Variants in ACP2 observed in about 807,000 individuals in gnomAD.
ACP2 encodes the protein lysosomal acid phosphatase.
ACP2 carries 35 observed loss-of-function variants against 54.7 expected under a neutral mutation model. The observed-to-expected ratio is 0.64, with a 90% CI of 0.49 to 0.85. The LOEUF (loss-of-function observed/expected upper bound fraction) is 0.85, where lower values mean the gene tolerates loss of function less well. Among genes scored for constraint, ACP2 ranks in the 40% least tolerant of loss-of-function variants. The pLI is 0.00. For missense variants in ACP2, 492 were observed against 565.0 expected, an observed-to-expected ratio of 0.87 and a Z score of 1.31; for synonymous variants, 210 against 224.4, an observed-to-expected ratio of 0.94 and a Z score of 0.57.
In ACP2 at chr11:47,242,917, C is replaced by T; in HGVS notation, c.963-19G>A. On this transcript the variant is annotated intron_variant, in intron 9 of 10. Transcript: ENST00000672073. Reference sequence around the variant, plus strand: ...GAAATTCCTGAGGGTCGACAGGAGGCAACATGGGAGCTGCTCAGCCTGCCC... The same window carrying T: ...GAAATTCCTGAGGGTCGACAGGAGGTAACATGGGAGCTGCTCAGCCTGCCC... The T allele has an allele frequency of 6.2e-7, 1 of 1,608,922 alleles. No individual in the cohort carries two copies. The highest frequency in any genetic ancestry group is 2.2e-5 in the East Asian group (1 of 44,732).
At position 47,243,114 on chromosome 11, in the gene ACP2, G is replaced by A. The variant is rs2135528255; in HGVS notation, c.866C>T (p.Thr289Ile). 1 of 1,614,230 alleles carries A rather than the reference G, an allele frequency of 6.2e-7. No homozygotes were observed. The highest frequency in any genetic ancestry group is 8.5e-7 in the Non-Finnish European group (1 of 1,180,034). The change falls in exon 9 of 11, where the codon ACC becomes ATC. Residue 289 changes from threonine to isoleucine, a missense_variant. Physicochemically the swap from Thr to Ile is moderately conservative, Grantham distance 89 (BLOSUM62 -1). Transcript: ENST00000672073. ...KLLVYSAHDT[T>I]LVALQMALDV... The stretch of plus-strand genomic sequence containing the variant: ...CAGTGCCATTTGCAGGGCAACCAGG[G>A]TAGTGTCGTGCTGCGGGGGAGAGGG...
At chr11:47,242,638 G>C in intron 10 of ACP2, 85 bp downstream of exon 10, 1 of 1,506,060 alleles carries the variant, frequency 6.6e-7, no homozygotes, top group Admixed American at 1.9e-5. Context: ...CAAATGGCTG[G>C]AAGTGCGACA....
Position 47,247,599 on chromosome 11 carries a change from A to G in ACP2, c.297+42T>C. 15 of 1,609,888 alleles carry G rather than the reference A, an allele frequency of 9.3e-6. 1 individual carries two copies. In the Middle Eastern group the frequency reaches 2.0e-3, roughly 213 times the overall value. ...CTCCCTGAGGGCAAAAGATGAGGGC[A>G]GCATACCTTGTTCCCCTTGCCTCTG... is the stretch of plus-strand genomic sequence containing the variant. On this transcript the variant is annotated intron_variant, in intron 3 of 10. Coordinates refer to ENST00000672073, the MANE Select transcript of ACP2 (RefSeq NM_001610.4).
At position 47,245,373 on chromosome 11, in the gene ACP2, T is replaced by A; in HGVS notation, c.571A>T (p.Asn191Tyr). The stretch of plus-strand genomic sequence containing the variant: ...GTCAGGTCTGTAAGCCCTGTCTCGT[T>A]GGCCACCATGTCCAGAAATTGCTAT... ...RNAQFLDMVA[N>Y]ETGLTDLTLE... The change falls in exon 6 of 11, where the codon AAC becomes TAC. Residue 191 changes from asparagine to tyrosine, a missense_variant. By Grantham distance (143) the Asn-to-Tyr change is moderately radical (BLOSUM62 -2). Transcript: ENST00000672073. 6.2e-7 allele frequency: 1 copy of A among 1,614,198 alleles called. No homozygotes were observed. The highest frequency in any genetic ancestry group is 8.5e-7 in the Non-Finnish European group (1 of 1,180,034).
rs760789795 is a variant in ACP2 at position 47,245,537 on chromosome 11, A to G, written c.486T>C (p.Tyr162=). The G allele has an allele frequency of 9.3e-6, 15 of 1,614,240 alleles. No homozygotes were observed. The highest frequency in any genetic ancestry group is 3.3e-5 in the Admixed American group (2 of 60,030). The change falls in exon 5 of 11, where the codon TAT becomes TAC. Residue 162 remains tyrosine, a synonymous_variant. Transcript: ENST00000672073. ...LKFPLGPCPR[Y]EQLQNETRQT... is the part of the protein sequence containing the mutation. Reference sequence around the variant, plus strand: ...GCCGGGTCTCGTTCTGCAGCTGCTCATAACGGGGACATGGGCCCAACGGGA... The same window carrying G: ...GCCGGGTCTCGTTCTGCAGCTGCTCGTAACGGGGACATGGGCCCAACGGGA...
intron 7 of ACP2, 111 bp from the exon 8 acceptor site, chr11:47,243,432 G>A (rs916045716): frequency 3.5e-5 from 29 of 829,530 alleles, no homozygotes; most frequent in South Asian, 6.6e-5. Context: ...TCACCTACAC[G>A]GAGAACTCTT....
chr11:47,241,030 G>A (rs1293447780), intron 10 of ACP2, among the ~76,000 whole-genome samples: 1 of 152,194 alleles, frequency 6.6e-6, no homozygotes, highest in Non-Finnish European at 1.5e-5. Context: ...GATAAGCCTG[G>A]CACATGCTAG....
At chr11:47,242,665 G>A in intron 10 of ACP2, 58 bp downstream of exon 10, 2 of 1,566,920 alleles carry the variant, frequency 1.3e-6, no homozygotes, top group East Asian at 2.3e-5. Context: ...GAGATGCGTG[G>A]ATGTGAACTG....
Position 47,243,435 on chromosome 11 carries a change from G to T in ACP2, c.773-114C>A, listed in dbSNP as rs948913050. On this transcript the variant is annotated intron_variant, in intron 7 of 10. Transcript: ENST00000672073. The stretch of plus-strand genomic sequence containing the variant: ...GCCTGGGCCTCATCACCTACACGGA[G>T]AACTCTTTAGTGTCATAGGGACCAT... 18 of 787,390 alleles carry T rather than the reference G, an allele frequency of 2.3e-5. No individual in the cohort carries two copies. In the South Asian group the frequency reaches 2.7e-4, roughly 12 times the overall value. The allele number at this position is 787,390 out of a possible 1,614,324, so 48.8% of individuals were successfully genotyped here. A position where few individuals can be genotyped will look rare whatever the true frequency, so the allele number is the denominator to read the frequency against.
At chr11:47,244,895 C>G in intron 6 of ACP2, 28 bp from the exon 7 acceptor site, 3 of 1,576,552 alleles carry the variant, frequency 1.9e-6, no homozygotes, top group Non-Finnish European at 1.7e-6. Flanking sequence ...CAGGTTAGCG[C>G]CCCAGGCCTA....
intron 10 of ACP2, among the ~76,000 whole-genome samples, chr11:47,241,627 G>C (rs1188514881): frequency 1.3e-5 from 2 of 152,244 alleles, no homozygotes. Flanking sequence ...GCTGACGGTA[G>C]ATTGGACTGC....
intron 5 of ACP2, 28 bp from the exon 6 acceptor site, chr11:47,245,422 C>A (rs779668251): frequency 6.2e-7 from 1 of 1,614,214 alleles, no homozygotes; most frequent in African/African-American, 1.3e-5. Flanking sequence ...GGGTCTCAGT[C>A]CTGCTCTGGG....
In ACP2 at chr11:47,240,250, C is replaced by T; in HGVS notation, c.1139-1G>A. 6 of 1,447,450 alleles carry T rather than the reference C, an allele frequency of 4.1e-6. No homozygotes were observed. Among genetic ancestry groups the T allele is most frequent in the Non-Finnish European group, 5.8e-6 (6 of 1,028,036 alleles). 89.7% of individuals were successfully genotyped at this position (1,447,450 alleles called of 1,614,324 possible). A position where few individuals can be genotyped will look rare whatever the true frequency, so the allele number is the denominator to read the frequency against. ...CATACAGCCAAGGCCACAATCACCT[C>T]TGGGCATGGGGGAGGCAAGAGAAAG... On this transcript the variant is annotated splice_acceptor_variant, in intron 10 of 10. Coordinates refer to ENST00000672073, the MANE Select transcript of ACP2 (RefSeq NM_001610.4). LOFTEE classifies it high-confidence loss of function.
chr11:47,245,693 T>C lies in ACP2; in HGVS notation c.439A>G (p.Thr147Ala). The C allele has an allele frequency of 6.2e-7, 1 of 1,613,166 alleles. No homozygotes were observed. Among genetic ancestry groups the C allele is most frequent in the East Asian group, 2.2e-5 (1 of 44,832 alleles). ...CTGGCCACTCTTACCCTGTCCTCAG[T>C]GATGGGCACAGTGTGCACAGGAATA... ...QPIPVHTVPI[T>A]EDRLLKFPLG... Residue 147 changes from threonine (T) to alanine (A), a missense_variant, in exon 4 of 11, where the codon ACT becomes GCT. Transcript: ENST00000672073.
chr11:47,245,886 T>G (rs372827718), intron 3 of ACP2, 52 bp from the exon 4 acceptor site: 3 of 886,686 alleles, frequency 3.4e-6, no homozygotes, highest in Non-Finnish European at 4.3e-6. Flanking sequence ...GTGTGTGTGT[T>G]GGGGAAGTTT....
Position 47,245,857 on chromosome 11 carries a change from C to CGTGTGTGTGTGTGTGTGTGT in ACP2, c.298-43_298-24dup, listed in dbSNP as rs58712815. ...AACCTGCAGCGATAGCAACACAAGT[C>CGTGTGTGTGTGTGTGTGTGT]GTGTGTGTGTGTGTGTGTGTGTGTG... On this transcript the variant is annotated intron_variant, in intron 3 of 10. Transcript: ENST00000672073. The CGTGTGTGTGTGTGTGTGTGT allele has an allele frequency of 1.8e-3, 2,699 of 1,471,214 alleles. 31 individuals are homozygous for CGTGTGTGTGTGTGTGTGTGT. In the East Asian group the frequency reaches 0.02, roughly 11 times the overall value. The allele number at this position is 1,471,214 out of a possible 1,614,324, so 91.1% of individuals were successfully genotyped here.
At position 47,247,684 on chromosome 11, in the gene ACP2, T is replaced by C. The variant is rs201262321; in HGVS notation, c.254A>G (p.Gln85Arg). Residue 85 changes from glutamine (Q) to arginine (R), a missense_variant, in exon 3 of 11, where the codon CAG (glutamine) becomes CGG (arginine). Physicochemically the swap from Gln to Arg is conservative, Grantham distance 43 (BLOSUM62 1). Transcript: ENST00000672073. ...GGTGTTTAGGAAGCCGTGATAGCGCTGCCGCAGGGCCTGGCCCAGTTCCCA... is the reference window on the plus strand; with the variant it reads ...GGTGTTTAGGAAGCCGTGATAGCGCCGCCGCAGGGCCTGGCCCAGTTCCCA... Reference protein sequence around the residue: ...QHWELGQALRQRYHGFLNTSY... With the variant: ...QHWELGQALRRRYHGFLNTSY... 8.9e-5 allele frequency: 143 copies of C among 1,614,022 alleles called. No individual in the cohort carries two copies. The highest frequency in any genetic ancestry group is 1.1e-4 in the Non-Finnish European group (131 of 1,180,052).
rs753071565 is a variant in ACP2 at position 47,248,674 on chromosome 11, A to T, written c.114+2T>A. The T allele has an allele frequency of 6.2e-7, 1 of 1,609,698 alleles. No individual in the cohort carries two copies. The highest frequency in any genetic ancestry group is 1.1e-5 in the South Asian group (1 of 90,004). ...GTCTTTGGTGAGCCCATCTCTCATT[A>T]CCAAGGTAACGAAGCGCAGACTCCG... On this transcript the variant is annotated splice_donor_variant, in intron 1 of 10. Transcript: ENST00000672073. LOFTEE classifies it high-confidence loss of function.
chr11:47,245,257 T>G (rs2242261), intron 6 of ACP2, 48 bp downstream of exon 6: 314,901 of 1,590,562 alleles, frequency 0.2, 40,891 homozygotes, highest in East Asian at 0.65. Flanking sequence ...GACCTGGGCC[T>G]GCTGAGAGGG....
Sources: gnomAD v4.1 joint callset for allele counts (sites outside exome capture counted in the v4.1 genomes callset) on GRCh38, gnomAD v4.1.1 for gene constraint, MANE v1.5 for transcripts, NCBI Gene and HGNC (gene_info 2026-07-23, HGNC 2026-07-21) for gene names.